The following RIMS2 variants were observed in gnomAD, a reference collection of about 807,000 sequenced individuals.
The protein encoded by RIMS2 is regulating synaptic membrane exocytosis 2.
A neutral mutation model predicts 174.4 loss-of-function variants in RIMS2; 59 were observed. The observed-to-expected ratio is 0.34, with a 90% CI of 0.27 to 0.42. The LOEUF (loss-of-function observed/expected upper bound fraction) is 0.42. RIMS2 is among the 10% of genes least tolerant of loss of function. The pLI is 1.00. For missense variants in RIMS2, 1,620 were observed against 1,666.3 expected (o/e 0.97, Z 0.48); for synonymous variants, 606 against 572.5 (o/e 1.06, Z -0.84).
At chr8:103,530,660 A>T (rs1187008053) in intron 1 of RIMS2, among the ~76,000 whole-genome samples, 2 of 152,166 alleles carry the variant, frequency 1.3e-5, no homozygotes, top group Non-Finnish European at 2.9e-5. Context: ...ATATCACTAG[A>T]GGTAAGGAAG....
At position 104,028,199 on chromosome 8, in the gene RIMS2, T is replaced by A. The variant is rs1235633409; in HGVS notation, c.3334+13584T>A. ...GGTCTCAAACTGTATGCTCTTTAAA[T>A]TATAGTGTTCAGATAGAATTTGCTA... On this transcript the variant is annotated intron_variant, in intron 19 of 23. Transcript: ENST00000504942. Among the ~76,000 whole-genome samples, 3 of 151,266 alleles carry A rather than the reference T, an allele frequency of 2.0e-5. No homozygotes were observed. The East Asian group carries it at 5.8e-4, about 29-fold the overall frequency.
At chr8:103,609,924 T>C (rs1487906801) in intron 1 of RIMS2, among the ~76,000 whole-genome samples, 1 of 152,216 alleles carries the variant, frequency 6.6e-6, no homozygotes, top group African/African-American at 2.4e-5. Flanking sequence ...CTTTGGACAG[T>C]ATAGCCATTT....
intron 4 of RIMS2, among the ~76,000 whole-genome samples, chr8:103,898,768 C>T (rs556433181): frequency 9.3e-5 from 14 of 151,308 alleles, no homozygotes; most frequent in Admixed American, 7.9e-4. Flanking sequence ...TACGTGTGCA[C>T]AATGTGCAGG....
chr8:104,210,870 G>A (rs1451418596), intron 19 of RIMS2, among the ~76,000 whole-genome samples: 3 of 152,158 alleles, frequency 2.0e-5, no homozygotes, highest in African/African-American at 7.2e-5. Context: ...AATTATGTAG[G>A]AACAAAATGT....
In RIMS2 at chr8:104,126,099, C is replaced by A. The variant is rs549199413; in HGVS notation, c.3334+111484C>A. Reference sequence around the variant, plus strand: ...AGTGATTCCCCAATCTTTTTAGCACCAGGGACCAGTTTCATGGAAGAAACC... The same window carrying A: ...AGTGATTCCCCAATCTTTTTAGCACAAGGGACCAGTTTCATGGAAGAAACC... On this transcript the variant is annotated intron_variant, in intron 19 of 23. Coordinates refer to ENST00000504942, the Ensembl canonical transcript of RIMS2. Among the ~76,000 whole-genome samples the A allele has an allele frequency of 2.6e-5, 4 of 152,190 alleles. No individual in the cohort carries two copies. The East Asian group carries it at 7.7e-4, about 29-fold the overall frequency.
At chr8:103,980,748 G>A (rs1453145010) in intron 16 of RIMS2, among the ~76,000 whole-genome samples, 1 of 152,156 alleles carries the variant, frequency 6.6e-6, no homozygotes. Context: ...AACTGACAGA[G>A]GAAACCTTGG....
chr8:104,041,229 AG>A, intron 19 of RIMS2, 96 bp from the exon 22 acceptor site: 1 of 525,492 alleles, frequency 1.9e-6, no homozygotes, highest in Non-Finnish European at 3.5e-6. Flanking sequence ...AAATGATCTG[AG>A]GCCCTTTCCA....
chr8:104,180,918 A>T (rs2098936053), intron 19 of RIMS2, among the ~76,000 whole-genome samples: 1 of 151,780 alleles, frequency 6.6e-6, no homozygotes, highest in Non-Finnish European at 1.5e-5. Flanking sequence ...CTACTGATTA[A>T]AAGTGGACAA....
At chr8:104,024,039 T>G (rs541729859) in intron 19 of RIMS2, among the ~76,000 whole-genome samples, 1 of 152,198 alleles carries the variant, frequency 6.6e-6, no homozygotes, top group East Asian at 1.9e-4. Context: ...AAGGACTGAT[T>G]AGAGGGGATT....
chr8:103,675,077 AT>A (rs1378069136), intron 1 of RIMS2, among the ~76,000 whole-genome samples: 1 of 152,064 alleles, frequency 6.6e-6, no homozygotes, highest in Non-Finnish European at 1.5e-5. Context: ...TGGCCGGCTA[AT>A]TTTTTGTATT....
At chr8:103,784,318 G>A (rs1211169816) in intron 3 of RIMS2, among the ~76,000 whole-genome samples, 2 of 150,342 alleles carry the variant, frequency 1.3e-5, no homozygotes, top group African/African-American at 2.4e-5. Flanking sequence ...ATTGCTTTTG[G>A]TGTTTTAGTC....
intron 1 of RIMS2, among the ~76,000 whole-genome samples, chr8:103,672,012 GA>G (rs2096750745): frequency 6.6e-6 from 1 of 152,052 alleles, no homozygotes; most frequent in Non-Finnish European, 1.5e-5. Flanking sequence ...TTGATTTTGG[GA>G]AACATATCAA....
Position 104,129,223 on chromosome 8 carries a change from T to TA in RIMS2, c.3334+114621dup, listed in dbSNP as rs879607610. ...CAACATAGCGAGACCTTGTCTCTATTAAAAAAAAAAAAAGTAGCCACGTGT... is the reference window on the plus strand; with the variant it reads ...CAACATAGCGAGACCTTGTCTCTATTAAAAAAAAAAAAAAGTAGCCACGTGT... On this transcript the variant is annotated intron_variant, in intron 19 of 23. Transcript: ENST00000504942. Among the ~76,000 whole-genome samples, 228 of 143,232 alleles carry TA rather than the reference T, an allele frequency of 1.6e-3. 1 individual carries two copies. Among genetic ancestry groups the TA allele is most frequent in the African/African-American group, 3.7e-3 (145 of 39,410 alleles). The allele number at this position is 143,232 out of a possible 152,430, so 94.0% of individuals were successfully genotyped here. A position where few individuals can be genotyped will look rare whatever the true frequency, so the allele number is the denominator to read the frequency against.
chr8:103,521,240 C>T (rs899782607), intron 1 of RIMS2, among the ~76,000 whole-genome samples: 3 of 151,730 alleles, frequency 2.0e-5, no homozygotes, highest in Non-Finnish European at 4.4e-5. Context: ...ACATATGTAA[C>T]AAACCTGCAC....
chr8:103,909,120 A>T (rs1173536931), intron 4 of RIMS2, among the ~76,000 whole-genome samples: 1 of 151,930 alleles, frequency 6.6e-6, no homozygotes. Flanking sequence ...AGTGTCTTGT[A>T]TTTTTCTATA....
intron 1 of RIMS2, among the ~76,000 whole-genome samples, chr8:103,569,411 C>T (rs2092638724): frequency 6.6e-6 from 1 of 152,092 alleles, no homozygotes; most frequent in Non-Finnish European, 1.5e-5. Flanking sequence ...ACTTGGATTT[C>T]AATACTAATT....
chr8:103,530,443 A>T (rs1836481373), intron 1 of RIMS2, among the ~76,000 whole-genome samples: 1 of 152,178 alleles, frequency 6.6e-6, no homozygotes, highest in African/African-American at 2.4e-5. Flanking sequence ...GACTGTTATA[A>T]TAAAAAATTG....
chr8:103,819,706 T>G (rs2098739922), intron 3 of RIMS2: 1 of 1,094,270 alleles, frequency 9.1e-7, no homozygotes, highest in Non-Finnish European at 1.3e-6. Context: ...AAAATTGTTT[T>G]GTATTGAAGT....
intron 19 of RIMS2, among the ~76,000 whole-genome samples, chr8:104,087,909 G>A (rs1246706307): frequency 6.6e-6 from 1 of 151,980 alleles, no homozygotes; most frequent in Non-Finnish European, 1.5e-5. Context: ...GAGCTCTGCA[G>A]CTATCAGAAA....
Sources: allele counts gnomAD v4.1 joint callset (sites outside exome capture counted in the v4.1 genomes callset), GRCh38; gene constraint gnomAD v4.1.1; transcripts MANE v1.5; gene names NCBI Gene and HGNC (gene_info 2026-07-23, HGNC 2026-07-21).